Variants in HSPA9 observed in about 807,000 individuals in gnomAD.
The protein encoded by HSPA9 is stress-70 protein, mitochondrial.
In HSPA9, 28 loss-of-function variants were observed where a neutral mutation model predicts 81.5. The observed-to-expected ratio is 0.34, with a 90% CI of 0.25 to 0.47. The LOEUF is 0.47. Ranked by LOEUF, HSPA9 falls within the 20% of genes least tolerant of loss-of-function variation. The pLI is 1.00. For synonymous variants in HSPA9, 293 were observed against 290.4 expected (o/e 1.01, Z -0.09); for missense variants, 678 against 838.0 (o/e 0.81, Z 2.36).
At chr5:138,566,746 AC>A (rs769228930) in intron 8 of HSPA9, 28 bp from the exon 9 acceptor site, 1,163 of 1,523,412 alleles carry the variant, frequency 7.6e-4, no homozygotes, top group Non-Finnish European at 1.0e-3. Flanking sequence ...TGAACACCAA[AC>A]ACCAGCATTA....
intron 12 of HSPA9, 88 bp from the exon 13 acceptor site, chr5:138,558,074 A>C: frequency 1.1e-6 from 1 of 890,620 alleles, no homozygotes; most frequent in East Asian, 2.4e-5. Context: ...CTAGTAAACA[A>C]GTCACTTGGT....
In HSPA9 at chr5:138,555,799, T is replaced by G; in HGVS notation, c.*238A>C. On this transcript the variant is annotated 3_prime_UTR_variant, in exon 17 of 17. Coordinates refer to ENST00000297185, the MANE Select transcript of HSPA9 (RefSeq NM_004134.7). Reference sequence around the variant, plus strand: ...TCAATTCATCCTACCTCCTTTTACATGCAGCTGAAAAATGACAGGCTAGGG... The same window carrying G: ...TCAATTCATCCTACCTCCTTTTACAGGCAGCTGAAAAATGACAGGCTAGGG... The G allele has an allele frequency of 3.6e-6, 2 of 561,728 alleles. No homozygotes were observed. The highest frequency in any genetic ancestry group is 3.1e-5 in the Admixed American group (1 of 32,546). The allele number at this position is 561,728 out of a possible 1,614,324, so 34.8% of individuals were successfully genotyped here.
At chr5:138,556,960 G>A in intron 14 of HSPA9, 94 bp from the exon 15 acceptor site, 2 of 874,660 alleles carry the variant, frequency 2.3e-6, no homozygotes, top group Non-Finnish European at 3.9e-6. Flanking sequence ...GTTACATACA[G>A]TTACAGATAA....
At chr5:138,573,347 T>C (rs932840094) in intron 3 of HSPA9, among the ~76,000 whole-genome samples, 2 of 152,130 alleles carry the variant, frequency 1.3e-5, no homozygotes, top group Non-Finnish European at 2.9e-5. Context: ...TCTATAGTTA[T>C]GTTTTTGCTG....
At chr5:138,563,906 CCAA>C (rs1325971527) in intron 9 of HSPA9, among the ~76,000 whole-genome samples, 1 of 152,204 alleles carries the variant, frequency 6.6e-6, no homozygotes, top group Non-Finnish European at 1.5e-5. Flanking sequence ...TCCATGCCCA[CCAA>C]CAACCGACCC....
At chr5:138,566,890 GT>G in intron 8 of HSPA9, 110 bp downstream of exon 8, 1 of 1,223,698 alleles carries the variant, frequency 8.2e-7, no homozygotes, top group South Asian at 1.2e-5. Flanking sequence ...AAGAGTATCT[GT>G]GTCTAGAATA....
intron 14 of HSPA9, 65 bp from the exon 15 acceptor site, chr5:138,556,931 C>A: frequency 9.5e-7 from 1 of 1,056,670 alleles, no homozygotes. Flanking sequence ...AATGTCTATA[C>A]TCAGACAATA....
chr5:138,575,400 C>G lies in HSPA9; in HGVS notation c.-82G>C. 1 of 1,219,550 alleles carries G rather than the reference C, an allele frequency of 8.2e-7. No homozygotes were observed. Among genetic ancestry groups the G allele is most frequent in the Admixed American group, 1.9e-5 (1 of 52,462 alleles). 75.5% of individuals were successfully genotyped at this position (1,219,550 alleles called of 1,614,324 possible). ...GCGCGATGCGGTGGCGGCAGCGCTT[C>G]TGGAAACCTCCAACCACGTGGGGTG... On this transcript the variant is annotated 5_prime_UTR_variant, in exon 1 of 17. Coordinates refer to ENST00000297185, the MANE Select transcript of HSPA9 (RefSeq NM_004134.7).
rs558773722 is a variant in HSPA9 at position 138,554,775 on chromosome 5, T to A, written c.*1262A>T. ...ACTTTTGGGAAATCTTAACATTGAA[T>A]AAAGATGTAGTTGCCTTTCTGCTCA... On this transcript the variant is annotated 3_prime_UTR_variant, in exon 17 of 17. Transcript: ENST00000297185. 1 of 152,322 alleles carries A rather than the reference T, an allele frequency of 6.6e-6. No individual in the cohort carries two copies. Among genetic ancestry groups the A allele is most frequent in the East Asian group, 1.9e-4 (1 of 5,186 alleles). The allele number at this position is 152,322 out of a possible 1,614,324, so 9.4% of individuals were successfully genotyped here.
At chr5:138,570,773 C>T in intron 4 of HSPA9, 187 bp downstream of exon 4, 1 of 606,392 alleles carries the variant, frequency 1.6e-6, no homozygotes, top group Non-Finnish European at 3.0e-6. Context: ...GTGTGAGCCA[C>T]TGCACTGGCC....
chr5:138,575,316 CATGGCGGATAA>C lies in HSPA9; in HGVS notation c.-9_2del, dbSNP rs779158397. 9 of 1,611,770 alleles carry C rather than the reference CATGGCGGATAA, an allele frequency of 5.6e-6. No homozygotes were observed. In the African/African-American group the frequency reaches 8.0e-5, roughly 14 times the overall value. The stretch of plus-strand genomic sequence containing the variant: ...CTGCTGCAGCTCGGCTGGCACTTAT[CATGGCGGATAA>C]ATGGAGGAGTACGAGGCAGCAAACA... On this transcript the variant is annotated start_lost and start_retained_variant and 5_prime_UTR_variant, in exon 1 of 17. Coordinates refer to ENST00000297185, the MANE Select transcript of HSPA9 (RefSeq NM_004134.7).
rs572429102 is a variant in HSPA9 at position 138,561,698 on chromosome 5, A to G, written c.1064T>C (p.Val355Ala). The G allele has an allele frequency of 6.6e-5, 106 of 1,614,140 alleles. 2 individuals carry two copies. In the South Asian group the frequency reaches 1.1e-3, roughly 17 times the overall value. Residue 355 changes from valine to alanine, a missense_variant, in exon 10 of 17, where the codon GTC becomes GCC. Transcript: ENST00000297185. ...GATAGTCCTTCTGATTAGATCAGTG[A>G]CAATCCCTTCAAATTGAGCACGGGT... Reference protein sequence around the residue: ...KLTRAQFEGIVTDLIRRTIAP... With the variant: ...KLTRAQFEGIATDLIRRTIAP...
In HSPA9 at chr5:138,555,915, TTATATA is replaced by T; in HGVS notation, c.*116_*121del. 1 of 714,942 alleles carries T rather than the reference TTATATA, an allele frequency of 1.4e-6. No individual in the cohort carries two copies. Among genetic ancestry groups the T allele is most frequent in the Non-Finnish European group, 2.5e-6 (1 of 404,128 alleles). 44.3% of individuals were successfully genotyped at this position (714,942 alleles called of 1,614,324 possible). A position where few individuals can be genotyped will look rare whatever the true frequency, so the allele number is the denominator to read the frequency against. On this transcript the variant is annotated 3_prime_UTR_variant, in exon 17 of 17. Coordinates refer to ENST00000297185, the MANE Select transcript of HSPA9 (RefSeq NM_004134.7). Reference sequence around the variant, plus strand: ...TCACTAAATTTACAAATTAAGGAAATTATATATAGAATACTGCAAAAACACAGTAAA... The same window carrying T: ...TCACTAAATTTACAAATTAAGGAAATTAGAATACTGCAAAAACACAGTAAA...
chr5:138,554,174 T>C lies in HSPA9; in HGVS notation c.*1863A>G, dbSNP rs955267704. Among the ~76,000 whole-genome samples, 3 of 152,248 alleles carry C rather than the reference T, an allele frequency of 2.0e-5. No individual in the cohort carries two copies. The highest frequency in any genetic ancestry group is 7.2e-5 in the African/African-American group (3 of 41,460). Reference sequence around the variant, plus strand: ...TTACTGATAGGTGACTGAAATACTGTGTCCACCCATACCCAAGCAACTTCT... The same window carrying C: ...TTACTGATAGGTGACTGAAATACTGCGTCCACCCATACCCAAGCAACTTCT... On this transcript the variant is annotated 3_prime_UTR_variant, in exon 17 of 17. Transcript: ENST00000297185.
At chr5:138,571,959 G>GTTTTTTTTTTTTTTTT (rs1561862016) in intron 3 of HSPA9, among the ~76,000 whole-genome samples, 1 of 10,636 alleles carries the variant, frequency 9.4e-5, no homozygotes, top group African/African-American at 2.4e-4. Context: ...ACTGCGCCTG[G>GTTTTTTTTTTTTTTTT]CTTTTTTTTT....
intron 14 of HSPA9, 68 bp from the exon 15 acceptor site, chr5:138,556,934 A>C: frequency 9.7e-7 from 1 of 1,035,068 alleles, no homozygotes; most frequent in South Asian, 1.3e-5. Context: ...GTCTATACTC[A>C]GACAATAAGC....
In HSPA9 at chr5:138,555,025, GGTTTTC is replaced by G. The variant is rs1750489315; in HGVS notation, c.*1006_*1011del. ...AAAGCAACCTGAAAATAGCCACCTT[GGTTTTC>G]ATGTTAGAGATCTAAAAACTTTCAT... is the stretch of plus-strand genomic sequence containing the variant. On this transcript the variant is annotated 3_prime_UTR_variant, in exon 17 of 17. Transcript: ENST00000297185. 1 of 152,030 alleles carries G rather than the reference GGTTTTC, an allele frequency of 6.6e-6. No individual in the cohort carries two copies. Among genetic ancestry groups the G allele is most frequent in the Admixed American group, 6.6e-5 (1 of 15,260 alleles). The allele number at this position is 152,030 out of a possible 1,614,324, so 9.4% of individuals were successfully genotyped here. A position where few individuals can be genotyped will look rare whatever the true frequency, so the allele number is the denominator to read the frequency against.
At chr5:138,569,252 A>C (rs1340163591) in intron 4 of HSPA9, among the ~76,000 whole-genome samples, 1 of 152,236 alleles carries the variant, frequency 6.6e-6, no homozygotes, top group Non-Finnish European at 1.5e-5. Context: ...AAATAAAAAG[A>C]AAGCAATCAC....
rs776645890 is a variant in HSPA9 at position 138,574,090 on chromosome 5, G to A, written c.118C>T (p.Leu40Phe). The A allele has an allele frequency of 3.7e-6, 6 of 1,613,708 alleles. No individual in the cohort carries two copies. In the South Asian group the frequency reaches 6.6e-5, roughly 18 times the overall value. Residue 40 changes from leucine to phenylalanine, a missense_variant, in exon 2 of 17, where the codon CTT becomes TTT. Physicochemically the swap from Leu to Phe is conservative, Grantham distance 22 (BLOSUM62 0). Coordinates refer to ENST00000297185, the MANE Select transcript of HSPA9 (RefSeq NM_004134.7). ...WNGLSHEAFRLVSRRDYASEA... is the reference protein window; with the variant it reads ...WNGLSHEAFRFVSRRDYASEA... ...TACGCATAATCCCGCCTTGAAACAAGTCTAAAAGCCTCATGACTAAGGCCA... is the reference window on the plus strand; with the variant it reads ...TACGCATAATCCCGCCTTGAAACAAATCTAAAAGCCTCATGACTAAGGCCA...
Sources: gnomAD v4.1 joint callset for allele counts (sites outside exome capture counted in the v4.1 genomes callset) on GRCh38, gnomAD v4.1.1 for gene constraint, MANE v1.5 for transcripts, NCBI Gene and HGNC (gene_info 2026-07-23, HGNC 2026-07-21) for gene names.